RABGAP1L: variants seen among roughly 807,000 people sequenced by gnomAD.
RABGAP1L encodes the protein RAB GTPase activating protein 1 like, also known as rab GTPase-activating protein 1-like.
Under a neutral mutation model 137.7 loss-of-function variants are expected in RABGAP1L, and 63 were observed. That is an observed-to-expected ratio of 0.46 (90% CI 0.37 to 0.56). RABGAP1L has a LOEUF of 0.56. Ranked by LOEUF, RABGAP1L falls within the 20% of genes least tolerant of loss-of-function variation. RABGAP1L has a pLI of 0.00. For synonymous variants in RABGAP1L, 431 were observed against 433.7 expected, an observed-to-expected ratio of 0.99 and a Z score of 0.08; for missense variants, 1,095 against 1,244.0, an observed-to-expected ratio of 0.88 and a Z score of 1.80.
At chr1:174,349,986 C>T (rs1185162955) in intron 11 of RABGAP1L, among the ~76,000 whole-genome samples, 8 of 117,932 alleles carry the variant, frequency 6.8e-5, no homozygotes, top group African/African-American at 1.9e-4. Context: ...CCCTCCCGGA[C>T]GGGGTGGCTG....
chr1:174,938,254 A>G (rs187033359), intron 19 of RABGAP1L, among the ~76,000 whole-genome samples: 60 of 152,290 alleles, frequency 3.9e-4, no homozygotes, highest in Non-Finnish European at 1.6e-4. Context: ...GCTAAGGCTT[A>G]TGTCTAGATT....
chr1:174,972,891 C>A, intron 21 of RABGAP1L, among the ~76,000 whole-genome samples: 1 of 145,878 alleles, frequency 6.9e-6, no homozygotes, highest in African/African-American at 2.6e-5. Context: ...ATGGTGAAGG[C>A]TTTATAATTT....
At chr1:174,870,225 A>G (rs1207801668) in intron 19 of RABGAP1L, among the ~76,000 whole-genome samples, 2 of 152,206 alleles carry the variant, frequency 1.3e-5, no homozygotes, top group African/African-American at 4.8e-5. Flanking sequence ...TGCTGTGTCC[A>G]GTATCAGTTT....
rs1470551738 is a variant in RABGAP1L, at chr1:174,854,729, T to C, written c.2340+42769T>C. ...CAATATAAATGCTTTTTTTTTTTTT[T>C]TTTTTTTTTTTTTTTTTTTTTTTTT... On this transcript the variant is annotated intron_variant, in intron 19 of 25. Coordinates refer to ENST00000681986, the MANE Select transcript of RABGAP1L (RefSeq NM_001366446.1). Among the ~76,000 whole-genome samples, 20 of 50,128 alleles carry C rather than the reference T, an allele frequency of 4.0e-4. No homozygotes were observed. The South Asian group carries it at 0.02, about 51-fold the overall frequency. 32.9% of individuals were successfully genotyped at this position (50,128 alleles called of 152,430 possible).
At chr1:174,822,129 C>T (rs746836244) in intron 19 of RABGAP1L, among the ~76,000 whole-genome samples, 6 of 152,114 alleles carry the variant, frequency 3.9e-5, no homozygotes, top group South Asian at 4.1e-4. Flanking sequence ...GGCATGGTGG[C>T]GCACGCCTGT....
At chr1:174,531,701 G>A (rs1197994976) in intron 13 of RABGAP1L, among the ~76,000 whole-genome samples, 4 of 141,504 alleles carry the variant, frequency 2.8e-5, no homozygotes, top group Non-Finnish European at 4.6e-5. Flanking sequence ...CCTCTGATTA[G>A]CCACTGCACT....
intron 14 of RABGAP1L, among the ~76,000 whole-genome samples, chr1:174,678,006 T>C (rs779199774): frequency 6.6e-5 from 10 of 152,152 alleles, no homozygotes; most frequent in Non-Finnish European, 1.5e-4. Context: ...AATAAATCCT[T>C]ACCAAGACTA....
chr1:174,448,556 T>A lies in RABGAP1L; in HGVS notation c.1710+54411T>A, dbSNP rs142536057. 2 of 1,613,450 alleles carry A rather than the reference T, an allele frequency of 1.2e-6. No individual in the cohort carries two copies. Among genetic ancestry groups the A allele is most frequent in the Admixed American group, 3.3e-5 (2 of 60,012 alleles). On this transcript the variant is annotated intron_variant, in intron 13 of 25. Transcript: ENST00000681986. The surrounding 1 kb of genome is among the most constrained non-coding windows in gnomAD (Gnocchi z 4.2). Reference sequence around the variant, plus strand: ...TCTTGCAATAACCAAGCCTCTTTCCTACAATCAACTGGTCACCCCTTGTCG... The same window carrying A: ...TCTTGCAATAACCAAGCCTCTTTCCAACAATCAACTGGTCACCCCTTGTCG...
chr1:174,660,314 G>C, intron 14 of RABGAP1L, among the ~76,000 whole-genome samples: 1 of 152,150 alleles, frequency 6.6e-6, no homozygotes, highest in East Asian at 1.9e-4. Flanking sequence ...AGCACAGACT[G>C]TGAGGGCTCC....
At chr1:174,919,761 C>T (rs1395268690) in intron 19 of RABGAP1L, among the ~76,000 whole-genome samples, 3 of 152,022 alleles carry the variant, frequency 2.0e-5, no homozygotes, top group African/African-American at 7.2e-5. Flanking sequence ...GAGGTTGAGG[C>T]AGGAGGATCA....
At chr1:174,375,735 G>C (rs1685468337) in intron 12 of RABGAP1L, among the ~76,000 whole-genome samples, 1 of 152,038 alleles carries the variant, frequency 6.6e-6, no homozygotes, top group Admixed American at 6.6e-5. Flanking sequence ...GAGAAAATTT[G>C]AGGCCAAAAT....
intron 13 of RABGAP1L, among the ~76,000 whole-genome samples, chr1:174,618,266 T>A (rs1445110267): frequency 1.3e-5 from 2 of 152,152 alleles, no homozygotes; most frequent in African/African-American, 4.8e-5. Context: ...GACTTAAATG[T>A]CCCTGTCTGA....
intron 15 of RABGAP1L, among the ~76,000 whole-genome samples, chr1:174,695,008 G>C (rs1047069197): frequency 6.6e-6 from 1 of 152,170 alleles, no homozygotes; most frequent in Non-Finnish European, 1.5e-5. Context: ...CTTTTGAGAA[G>C]TGTCTCTTCA....
intron 19 of RABGAP1L, among the ~76,000 whole-genome samples, chr1:174,866,620 T>C (rs373618203): frequency 6.6e-6 from 1 of 152,134 alleles, no homozygotes; most frequent in Non-Finnish European, 1.5e-5. Context: ...ATATAATAAA[T>C]ACTACTACAG....
intron 23 of RABGAP1L, among the ~76,000 whole-genome samples, chr1:174,979,505 CAGT>C (rs1670920077): frequency 6.6e-6 from 1 of 152,160 alleles, no homozygotes; most frequent in Non-Finnish European, 1.5e-5. Context: ...AGCTAATTTC[CAGT>C]AGATCACACT....
At chr1:174,502,588 A>ATGTACATATATGTGTG (rs1661395153) in intron 13 of RABGAP1L, among the ~76,000 whole-genome samples, 1 of 146,724 alleles carries the variant, frequency 6.8e-6, no homozygotes, top group Non-Finnish European at 1.5e-5. Flanking sequence ...ATATATATAT[A>ATGTACATATATGTGTG]TATATATATG....
At chr1:174,898,759 T>G (rs1657651133) in intron 19 of RABGAP1L, among the ~76,000 whole-genome samples, 2 of 152,200 alleles carry the variant, frequency 1.3e-5, no homozygotes, top group African/African-American at 4.8e-5. Context: ...TTAATAAATA[T>G]TTTTAGCAAT....
chr1:174,648,753 C>G (rs1441757642), intron 14 of RABGAP1L, among the ~76,000 whole-genome samples: 2 of 152,010 alleles, frequency 1.3e-5, no homozygotes, highest in Non-Finnish European at 2.9e-5. Flanking sequence ...CCTGAATATC[C>G]TTGTTAATTT....
intron 15 of RABGAP1L, among the ~76,000 whole-genome samples, chr1:174,688,976 T>A (rs1678671301): frequency 6.6e-6 from 1 of 152,130 alleles, no homozygotes; most frequent in African/African-American, 2.4e-5. Context: ...CGAAAGTGAT[T>A]TCTCTAGGGA....
Sources: gnomAD v4.1 joint callset for allele counts (sites outside exome capture counted in the v4.1 genomes callset) on GRCh38, gnomAD v4.1.1 for gene constraint, Gnocchi (gnomAD v3.1) non-coding constraint, MANE v1.5 for transcripts, NCBI Gene and HGNC (gene_info 2026-07-23, HGNC 2026-07-21) for gene names.